SMARCA4: variants seen among roughly 807,000 people sequenced by gnomAD.
SMARCA4 encodes the protein SWI/SNF-related matrix-associated actin-dependent regulator of chromatin subfamily A member 4.
Under a neutral mutation model 193.9 loss-of-function variants are expected in SMARCA4, and 31 were observed. The observed-to-expected ratio is 0.16, with a 90% CI of 0.12 to 0.22. The LOEUF (loss-of-function observed/expected upper bound fraction) is 0.22, where lower values mean the gene tolerates loss of function less well. Ranked by LOEUF, SMARCA4 falls within the 10% of genes least tolerant of loss-of-function variation. The pLI is 1.00. For missense variants in SMARCA4, 1,148 were observed against 2,296.0 expected, an observed-to-expected ratio of 0.50 and a Z score of 10.22; for synonymous variants, 942 against 933.1, an observed-to-expected ratio of 1.01 and a Z score of -0.17.
chr19:10,965,970 G>GTTTTTTTTTT (rs372236923), intron 1 of SMARCA4, among the ~76,000 whole-genome samples: 4 of 78,932 alleles, frequency 5.1e-5, no homozygotes, highest in African/African-American at 1.4e-4. Context: ...TAGTGGCATG[G>GTTTTTTTTTT]TTTTTTTTTT....
At chr19:11,037,880 G>C (rs1436673103) in intron 29 of SMARCA4, among the ~76,000 whole-genome samples, 1 of 152,190 alleles carries the variant, frequency 6.6e-6, no homozygotes, top group African/African-American at 2.4e-5. Context: ...TTGTTGAAGA[G>C]ACTATTTTTT....
In SMARCA4 at chr19:10,996,519, C is replaced by T. The variant is rs779952581; in HGVS notation, c.1787C>T (p.Thr596Met). ...AAGGCAGAAAATGCAGAAGGACAGA[C>T]GCCTGCCATTGGGCCGGATGGCGAG... is the stretch of plus-strand genomic sequence containing the variant. Reference protein sequence around the residue: ...KKKAENAEGQTPAIGPDGEPL... With the variant: ...KKKAENAEGQMPAIGPDGEPL... The change falls in exon 11 of 35, where the codon ACG (threonine) becomes ATG (methionine). Residue 596 changes from threonine to methionine, a missense_variant. By Grantham distance (81) the Thr-to-Met change is moderately conservative (BLOSUM62 -1). Coordinates refer to ENST00000344626, the MANE Select transcript of SMARCA4 (RefSeq NM_003072.5). 1.3e-5 allele frequency: 21 copies of T among 1,614,096 alleles called. No homozygotes were observed. The highest frequency in any genetic ancestry group is 1.1e-4 in the South Asian group (10 of 91,092).
intron 23 of SMARCA4, among the ~76,000 whole-genome samples, chr19:11,026,896 G>A (rs995578829): frequency 3.3e-5 from 5 of 152,286 alleles, no homozygotes; most frequent in Admixed American, 6.5e-5. Flanking sequence ...CCACTCTGCC[G>A]CCTCCAAGCT....
chr19:11,058,496 GT>G lies in SMARCA4; in HGVS notation c.4533+135del. On this transcript the variant is annotated intron_variant, in intron 31 of 34. Transcript: ENST00000344626. This position sits in a 1 kb window ranked among gnomAD's most constrained non-coding sequence, Gnocchi z 5.8. Reference sequence around the variant, plus strand: ...CCTAGGCGGTGCCTTGGGCTACCTGGTTAGGGACCTGGTCGTGGGCTTTTGG... The same window carrying G: ...CCTAGGCGGTGCCTTGGGCTACCTGGTAGGGACCTGGTCGTGGGCTTTTGG... 1.3e-6 allele frequency: 1 copy of G among 742,950 alleles called. No homozygotes were observed. Among genetic ancestry groups the G allele is most frequent in the Non-Finnish European group, 2.4e-6 (1 of 420,504 alleles). 46.0% of individuals were successfully genotyped at this position (742,950 alleles called of 1,614,324 possible).
rs770921864 is a variant in SMARCA4 at position 10,989,350 on chromosome 19, A to G, written c.1152A>G (p.Glu384=). The change falls in exon 7 of 35, where the codon GAA becomes GAG. Residue 384 remains glutamate, a synonymous_variant. Coordinates refer to ENST00000344626, the MANE Select transcript of SMARCA4 (RefSeq NM_003072.5). ...LQARIAHRIQ[E]LENLPGSLAG... is the part of the protein sequence containing the mutation. ...CTCGCATCGCACACCGAATTCAGGA[A>G]CTTGAAAACCTTCCCGGGTCCCTGG... 1.2e-6 allele frequency: 2 copies of G among 1,614,110 alleles called. No individual in the cohort carries two copies. The highest frequency in any genetic ancestry group is 1.7e-6 in the Non-Finnish European group (2 of 1,179,986).
At position 11,061,204 on chromosome 19, in the gene SMARCA4, A is replaced by AT. The variant is rs1471127800; in HGVS notation, c.4912-580_4912-579insT. Among the ~76,000 whole-genome samples, 336 of 45,036 alleles carry AT rather than the reference A, an allele frequency of 7.5e-3. 3 individuals are homozygous for AT. Among genetic ancestry groups the AT allele is most frequent in the Non-Finnish European group, 9.5e-3 (251 of 26,494 alleles). The allele number at this position is 45,036 out of a possible 152,430, so 29.5% of individuals were successfully genotyped here. A position where few individuals can be genotyped will look rare whatever the true frequency, so the allele number is the denominator to read the frequency against. On this transcript the variant is annotated intron_variant, in intron 34 of 34. Coordinates refer to ENST00000344626, the MANE Select transcript of SMARCA4 (RefSeq NM_003072.5). ...CCCTGTCTTTAAAAAAAAAAAAAAAAATATATATATATATATATATATATA... is the reference window on the plus strand; with the variant it reads ...CCCTGTCTTTAAAAAAAAAAAAAAAATATATATATATATATATATATATATA...
rs1399772646 is a variant in SMARCA4 at position 10,991,131 on chromosome 19, G to A, written c.1246-19G>A. 1 of 1,613,084 alleles carries A rather than the reference G, an allele frequency of 6.2e-7. No homozygotes were observed. The highest frequency in any genetic ancestry group is 1.7e-5 in the Admixed American group (1 of 59,958). ...ACAGAGCTGTGCAGTGCGCGGGCTT[G>A]TCCTCTTCCCTCCTACAGCTGCGCC... On this transcript the variant is annotated intron_variant, in intron 7 of 34. Coordinates refer to ENST00000344626, the MANE Select transcript of SMARCA4 (RefSeq NM_003072.5).
chr19:11,016,463 G>A (rs117234045), intron 16 of SMARCA4, among the ~76,000 whole-genome samples: 2,106 of 152,236 alleles, frequency 0.014, 29 homozygotes, highest in Non-Finnish European at 0.023. Flanking sequence ...GTTTCTGTCC[G>A]CTCTTCTCTA....
chr19:11,060,262 G>C (rs1318449012), intron 34 of SMARCA4, 75 bp downstream of exon 34: 1 of 1,517,802 alleles, frequency 6.6e-7, no homozygotes, highest in Non-Finnish European at 8.9e-7. Context: ...GGACAGCCCT[G>C]TGGGGCGGTG....
In SMARCA4 at chr19:11,033,152, G is replaced by A. The variant is rs542498005; in HGVS notation, c.3547-138G>A. The A allele has an allele frequency of 5.5e-5, 40 of 722,286 alleles. No individual in the cohort carries two copies. Among genetic ancestry groups the A allele is most frequent in the South Asian group, 2.0e-4 (14 of 68,754 alleles). The allele number at this position is 722,286 out of a possible 1,614,324, so 44.7% of individuals were successfully genotyped here. ...GGCTCCACCAGCTCTGTTTTCATGC[G>A]GCGGCAGGTCAGGCTGGGCAGAATT... On this transcript the variant is annotated intron_variant, in intron 25 of 34. Transcript: ENST00000344626. This position sits in a 1 kb window ranked among gnomAD's most constrained non-coding sequence, Gnocchi z 9.8.
intron 16 of SMARCA4, among the ~76,000 whole-genome samples, chr19:11,015,320 T>C (rs2089254263): frequency 6.6e-6 from 1 of 152,236 alleles, no homozygotes; most frequent in African/African-American, 2.4e-5. Context: ...GATCCCACAC[T>C]GTCACGTCTG....
intron 29 of SMARCA4, among the ~76,000 whole-genome samples, chr19:11,036,385 G>A (rs947108576): frequency 2.0e-5 from 3 of 152,028 alleles, no homozygotes; most frequent in African/African-American, 2.4e-5. Flanking sequence ...TCAGCCTCCT[G>A]AGTAGTTCAG....
At position 11,039,589 on chromosome 19, in the gene SMARCA4, C is replaced by G. The variant is rs200720244; in HGVS notation, c.4171-1718C>G. The G allele has an allele frequency of 1.2e-4, 149 of 1,281,116 alleles. 1 individual carries two copies. Among genetic ancestry groups the G allele is most frequent in the Middle Eastern group, 6.4e-4 (3 of 4,710 alleles). 79.4% of individuals were successfully genotyped at this position (1,281,116 alleles called of 1,614,324 possible). Reference sequence around the variant, plus strand: ...TTCTGGTGGTGGGTGGCGCTGAGGGCTGCACAACACTGGGGACGTGCCTAA... The same window carrying G: ...TTCTGGTGGTGGGTGGCGCTGAGGGGTGCACAACACTGGGGACGTGCCTAA... On this transcript the variant is annotated intron_variant, in intron 29 of 34. Transcript: ENST00000344626.
intron 23 of SMARCA4, among the ~76,000 whole-genome samples, chr19:11,026,820 C>T (rs1360874762): frequency 6.6e-6 from 1 of 152,142 alleles, no homozygotes; most frequent in East Asian, 1.9e-4. Flanking sequence ...ATCTTTAGTG[C>T]TTGGAGAGCT....
intron 1 of SMARCA4, among the ~76,000 whole-genome samples, chr19:10,969,186 G>A (rs1413467034): frequency 6.6e-6 from 1 of 152,172 alleles, no homozygotes; most frequent in Non-Finnish European, 1.5e-5. Context: ...GCTGAACCCC[G>A]GCCCTGCCTG....
At chr19:11,024,549 C>T (rs2090114139) in intron 21 of SMARCA4, 111 bp downstream of exon 21, 2 of 745,424 alleles carry the variant, frequency 2.7e-6, no homozygotes, top group Non-Finnish European at 4.8e-6. Flanking sequence ...GGTCATGATC[C>T]CCAGGGCATC....
Position 11,033,675 on chromosome 19 carries a change from C to T in SMARCA4, c.3775-92C>T. On this transcript the variant is annotated intron_variant, in intron 26 of 34. Coordinates refer to ENST00000344626, the MANE Select transcript of SMARCA4 (RefSeq NM_003072.5). This position sits in a 1 kb window ranked among gnomAD's most constrained non-coding sequence, Gnocchi z 9.8. ...TGAACGGAAAGAGGATGAGTACTTG[C>T]TTTTTCTTTGAAGTGGTTTTTTTTT... is the stretch of plus-strand genomic sequence containing the variant. The T allele has an allele frequency of 1.3e-6, 1 of 777,910 alleles. No individual in the cohort carries two copies. The highest frequency in any genetic ancestry group is 2.4e-6 in the Non-Finnish European group (1 of 424,136). The allele number at this position is 777,910 out of a possible 1,614,324, so 48.2% of individuals were successfully genotyped here.
At chr19:11,008,120 G>T (rs73923296) in intron 14 of SMARCA4, 97 bp downstream of exon 14, 3 of 1,247,626 alleles carry the variant, frequency 2.4e-6, no homozygotes, top group Admixed American at 2.0e-5. Context: ...CTGACATTCA[G>T]CACTGTCCAG....
chr19:11,002,437 C>T (rs555511608), intron 11 of SMARCA4, among the ~76,000 whole-genome samples: 65 of 152,022 alleles, frequency 4.3e-4, no homozygotes, highest in Non-Finnish European at 8.2e-4. Context: ...CGATACCGCA[C>T]CACTGCACTC....
Sources: gnomAD v4.1 joint callset for allele counts (sites outside exome capture counted in the v4.1 genomes callset) on GRCh38, gnomAD v4.1.1 for gene constraint, Gnocchi (gnomAD v3.1) non-coding constraint, MANE v1.5 for transcripts, NCBI Gene and HGNC (gene_info 2026-07-23, HGNC 2026-07-21) for gene names.